Variants in SLC26A8 observed in about 807,000 individuals in gnomAD.
The protein encoded by SLC26A8 is testis anion transporter 1.
In SLC26A8, 70 loss-of-function variants were observed where a neutral mutation model predicts 105.0. The observed-to-expected ratio is 0.67, with a 90% confidence interval of 0.55 to 0.81. The LOEUF (loss-of-function observed/expected upper bound fraction) is 0.81, where lower values mean the gene tolerates loss of function less well. Among genes scored for constraint, SLC26A8 ranks in the 40% least tolerant of loss-of-function variants. The probability of loss-of-function intolerance (pLI) is 0.00; values close to 1 mark genes in which losing one functional copy is unlikely to be tolerated. For missense variants in SLC26A8, 998 were observed against 1,181.8 expected (o/e 0.84, Z 2.28); for synonymous variants, 415 against 438.3 (o/e 0.95, Z 0.66).
chr6:35,963,475 G>T (rs570903962), intron 11 of SLC26A8, among the ~76,000 whole-genome samples: 1 of 152,164 alleles, frequency 6.6e-6, no homozygotes, highest in Non-Finnish European at 1.5e-5. Flanking sequence ...TTGCTGAGGC[G>T]CCTCACTGCA....
chr6:35,988,782 AT>A lies in SLC26A8; in HGVS notation c.942+2876del, dbSNP rs1773631773. 2.0e-5 allele frequency among the ~76,000 whole-genome samples: 3 copies of A among 151,698 alleles called. No individual in the cohort carries two copies. The South Asian group carries it at 6.2e-4, about 32-fold the overall frequency. ...TTCTTTGTTATATATATTTATTTTT[AT>A]TAAGGTATAATTTAGATACAATAAA... On this transcript the variant is annotated intron_variant, in intron 7 of 19. Coordinates refer to ENST00000490799, the MANE Select transcript of SLC26A8 (RefSeq NM_052961.4).
At chr6:35,985,488 A>T (rs980271648) in intron 7 of SLC26A8, among the ~76,000 whole-genome samples, 7 of 151,798 alleles carry the variant, frequency 4.6e-5, no homozygotes, top group Non-Finnish European at 1.0e-4. Flanking sequence ...AAGTCAGGAG[A>T]TCGAGACCAT....
intron 8 of SLC26A8, among the ~76,000 whole-genome samples, chr6:35,978,400 G>A (rs1004796187): frequency 9.2e-5 from 14 of 152,076 alleles, no homozygotes; most frequent in African/African-American, 1.7e-4. Flanking sequence ...AATTCTTTAA[G>A]TCAAATCTGG....
intron 10 of SLC26A8, among the ~76,000 whole-genome samples, chr6:35,974,588 C>T (rs1263077607): frequency 6.6e-6 from 1 of 152,220 alleles, no homozygotes; most frequent in African/African-American, 2.4e-5. Flanking sequence ...AGCCCCTTGC[C>T]ATGCCCTTTT....
intron 3 of SLC26A8, among the ~76,000 whole-genome samples, chr6:36,009,707 G>A (rs1336426780): frequency 6.6e-6 from 1 of 152,220 alleles, no homozygotes; most frequent in Non-Finnish European, 1.5e-5. Flanking sequence ...GGGACAGGAG[G>A]CAGGTAGTGG....
chr6:35,974,363 T>A (rs996074322), intron 10 of SLC26A8, among the ~76,000 whole-genome samples: 17 of 152,194 alleles, frequency 1.1e-4, no homozygotes, highest in Admixed American at 6.5e-4. Context: ...ACATTAGACT[T>A]ATAAAATCTC....
chr6:35,950,808 A>G (rs1771842207), intron 19 of SLC26A8, among the ~76,000 whole-genome samples: 2 of 152,152 alleles, frequency 1.3e-5, no homozygotes, highest in South Asian at 4.1e-4. Context: ...TAGGGGAGAC[A>G]TTTAGAATAT....
intron 5 of SLC26A8, among the ~76,000 whole-genome samples, chr6:35,994,752 T>C (rs1295644694): frequency 6.6e-6 from 1 of 152,124 alleles, no homozygotes; most frequent in Non-Finnish European, 1.5e-5. Context: ...ATTTTTGTAT[T>C]TTTAAGTAGA....
At chr6:35,958,472 T>A (rs1010771800) in intron 16 of SLC26A8, among the ~76,000 whole-genome samples, 27 of 151,794 alleles carry the variant, frequency 1.8e-4, no homozygotes, top group Admixed American at 1.4e-3. Flanking sequence ...ATTTTGTCAA[T>A]CTTAAGATAT....
Position 35,992,531 on chromosome 6 carries a change from G to T in SLC26A8, c.771C>A (p.Ala257=), listed in dbSNP as rs770405702. ...FIFGIMISFH[A]GPISFFYDII... The stretch of plus-strand genomic sequence containing the variant: ...TCACATAGAAGAAGGAGATGGGACC[G>T]GCATGGAAACTAATCATAATCCCAA... The change falls in exon 6 of 20, where the codon GCC becomes GCA. Residue 257 remains alanine (A), a synonymous_variant. Transcript: ENST00000490799. 3 of 1,613,178 alleles carry T rather than the reference G, an allele frequency of 1.9e-6. No homozygotes were observed. Among genetic ancestry groups the T allele is most frequent in the South Asian group, 2.2e-5 (2 of 90,922 alleles).
At chr6:35,997,643 T>C (rs958229196) in intron 5 of SLC26A8, 95 bp downstream of exon 5, 38 of 1,223,556 alleles carry the variant, frequency 3.1e-5, no homozygotes, top group Non-Finnish European at 4.1e-5. Flanking sequence ...GTTCCAGGTA[T>C]ATCACAGTGG....
chr6:35,985,717 A>G (rs13198745), intron 7 of SLC26A8, among the ~76,000 whole-genome samples: 16,031 of 146,656 alleles, frequency 0.11, 1,088 homozygotes, highest in Non-Finnish European at 0.13. Flanking sequence ...AAAAAAAAAA[A>G]AAAAGAGGGC....
At chr6:35,974,077 G>A (rs1222009528) in intron 10 of SLC26A8, among the ~76,000 whole-genome samples, 1 of 152,188 alleles carries the variant, frequency 6.6e-6, no homozygotes, top group Admixed American at 6.5e-5. Flanking sequence ...CAGCACTTTG[G>A]GAGGCCAAGG....
At position 36,012,221 on chromosome 6, in the gene SLC26A8, T is replaced by C. The variant is rs2127369914; in HGVS notation, c.328+12A>G. 3 of 1,610,546 alleles carry C rather than the reference T, an allele frequency of 1.9e-6. No homozygotes were observed. The highest frequency in any genetic ancestry group is 3.3e-4 in the Middle Eastern group (2 of 6,050). On this transcript the variant is annotated intron_variant, in intron 3 of 19. Coordinates refer to ENST00000490799, the MANE Select transcript of SLC26A8 (RefSeq NM_052961.4). ...ATTGTCTTTGGATGAACAGGCTTCA[T>C]ATCTTCCTTACCTTGGGGAACTTGC...
intron 16 of SLC26A8, among the ~76,000 whole-genome samples, chr6:35,958,709 G>A (rs529247043): frequency 3.3e-5 from 5 of 152,224 alleles, no homozygotes; most frequent in Admixed American, 6.5e-5. Context: ...CATGGCGGGT[G>A]GAGGCATTTG....
chr6:35,999,987 C>G lies in SLC26A8; in HGVS notation c.445+5G>C, dbSNP rs778913274. On this transcript the variant is annotated splice_donor_5th_base_variant and intron_variant, in intron 4 of 19. Transcript: ENST00000490799. The stretch of plus-strand genomic sequence containing the variant: ...ACCGCATGTGTATTTCAGTGCTGAA[C>G]TCACCAATGGACATTTGATGACACG... 1 of 1,586,570 alleles carries G rather than the reference C, an allele frequency of 6.3e-7. No homozygotes were observed. Among genetic ancestry groups the G allele is most frequent in the South Asian group, 1.1e-5 (1 of 90,500 alleles).
chr6:36,012,413 A>C (rs1173959467), intron 2 of SLC26A8, 41 bp from the exon 3 acceptor site: 1 of 1,538,638 alleles, frequency 6.5e-7, no homozygotes, highest in African/African-American at 1.4e-5. Context: ...GTTTCTCCAA[A>C]GAAAATGCCC....
At chr6:35,964,915 C>A (rs190662543) in intron 11 of SLC26A8, among the ~76,000 whole-genome samples, 2 of 149,284 alleles carry the variant, frequency 1.3e-5, no homozygotes, top group African/African-American at 5.0e-5. Flanking sequence ...TGCAGTGAGC[C>A]GAGATTGGGC....
chr6:35,959,346 G>A, intron 16 of SLC26A8, 114 bp downstream of exon 16: 1 of 1,156,988 alleles, frequency 8.6e-7, no homozygotes, highest in Non-Finnish European at 1.2e-6. Flanking sequence ...ATTCTTCATG[G>A]TCCATCTAAA....
Sources: allele counts gnomAD v4.1 joint callset (sites outside exome capture counted in the v4.1 genomes callset), GRCh38; gene constraint gnomAD v4.1.1; transcripts MANE v1.5; gene names NCBI Gene and HGNC (gene_info 2026-07-23, HGNC 2026-07-21).